Variants in ARB2A observed in about 807,000 individuals in gnomAD.
ARB2A encodes cotranscriptional regulator ARB2A.
At chr5:94,058,712 A>C in the ARB2A span, among the ~76,000 whole-genome samples, 1 of 152,210 alleles carries the variant, frequency 6.6e-6, no homozygotes, top group Non-Finnish European at 1.5e-5. Flanking sequence ...CCAGTGTGAC[A>C]ATGTCAAGTT....
At chr5:93,906,820 G>A in the ARB2A span, among the ~76,000 whole-genome samples, 2 of 151,424 alleles carry the variant, frequency 1.3e-5, no homozygotes, top group Non-Finnish European at 3.0e-5. Context: ...CCAGGAATCG[G>A]AGCAAAATTT....
the ARB2A span, among the ~76,000 whole-genome samples, chr5:93,873,528 T>C: frequency 3.9e-5 from 6 of 152,134 alleles, no homozygotes; most frequent in Non-Finnish European, 8.8e-5. Context: ...AACATGACAA[T>C]GTAAAGGTTA....
At chr5:94,087,936 G>A in the ARB2A span, among the ~76,000 whole-genome samples, 4 of 152,186 alleles carry the variant, frequency 2.6e-5, no homozygotes, top group East Asian at 3.9e-4. Flanking sequence ...TATGCTGTTC[G>A]CACAACAATG....
chr5:93,697,250 T>G, the ARB2A span, among the ~76,000 whole-genome samples: 2 of 151,962 alleles, frequency 1.3e-5, no homozygotes, highest in Admixed American at 1.3e-4. Flanking sequence ...TAATTACTAG[T>G]TTTCTCTTCC....
chr5:93,762,856 G>A, the ARB2A span, among the ~76,000 whole-genome samples: 1 of 152,166 alleles, frequency 6.6e-6, no homozygotes, highest in Non-Finnish European at 1.5e-5. Flanking sequence ...GGATCTCTTG[G>A]CAGAAACTCT....
At chr5:94,083,828 A>C in the ARB2A span, among the ~76,000 whole-genome samples, 1 of 152,134 alleles carries the variant, frequency 6.6e-6, no homozygotes, top group Non-Finnish European at 1.5e-5. Context: ...TCCTCTAAAA[A>C]AAAAAAAACA....
At chr5:93,754,520 C>T in the ARB2A span, among the ~76,000 whole-genome samples, 2 of 152,238 alleles carry the variant, frequency 1.3e-5, no homozygotes. Context: ...CTTCTCCAAA[C>T]ACAGCCCCAG....
chr5:93,911,351 T>A, the ARB2A span, among the ~76,000 whole-genome samples: 1 of 151,680 alleles, frequency 6.6e-6, no homozygotes, highest in Admixed American at 6.6e-5. Flanking sequence ...TCAAGATTTC[T>A]TTAATCGAAA....
the ARB2A span, among the ~76,000 whole-genome samples, chr5:93,987,668 G>A: frequency 6.6e-6 from 1 of 152,126 alleles, no homozygotes; most frequent in Non-Finnish European, 1.5e-5. Context: ...ATCCCCTAAG[G>A]TGTTACTCTA....
chr5:93,726,805 T>C, the ARB2A span, among the ~76,000 whole-genome samples: 2 of 152,090 alleles, frequency 1.3e-5, no homozygotes, highest in African/African-American at 2.4e-5. Flanking sequence ...TTGATATTCA[T>C]GTATTCATGT....
chr5:93,728,660 C>G, the ARB2A span, among the ~76,000 whole-genome samples: 10 of 151,950 alleles, frequency 6.6e-5, no homozygotes, highest in Middle Eastern at 6.8e-3. Context: ...GGCAAACCAT[C>G]GAGAAGCTTT....
chr5:94,060,203 A>C, the ARB2A span, among the ~76,000 whole-genome samples: 1 of 152,210 alleles, frequency 6.6e-6, no homozygotes, highest in South Asian at 2.1e-4. Flanking sequence ...AAATACAAAA[A>C]TAGTCATGTG....
At chr5:93,854,881 T>C in the ARB2A span, among the ~76,000 whole-genome samples, 1,108 of 152,292 alleles carry the variant, frequency 7.3e-3, 10 homozygotes, top group African/African-American at 0.025. Flanking sequence ...CTTCCAACTA[T>C]GTGGTCAATT....
At chr5:94,022,970 A>G in the ARB2A span, among the ~76,000 whole-genome samples, 84 of 152,320 alleles carry the variant, frequency 5.5e-4, no homozygotes, top group African/African-American at 1.9e-3. Flanking sequence ...ATGACCATAC[A>G]ATTCTTCCCC....
chr5:93,677,380 A>G, the ARB2A span, among the ~76,000 whole-genome samples: 1 of 152,232 alleles, frequency 6.6e-6, no homozygotes, highest in South Asian at 2.1e-4. Flanking sequence ...GTAAAACTCA[A>G]GTGGGCTGAC....
At chr5:93,886,641 A>G in the ARB2A span, among the ~76,000 whole-genome samples, 27 of 151,802 alleles carry the variant, frequency 1.8e-4, no homozygotes, top group Admixed American at 5.3e-4. Context: ...ACAACCAATC[A>G]GAAGTCACTA....
chr5:93,970,203 C>A, the ARB2A span, among the ~76,000 whole-genome samples: 1 of 151,868 alleles, frequency 6.6e-6, no homozygotes, highest in Non-Finnish European at 1.5e-5. Flanking sequence ...AACATCAGCC[C>A]AAGACATAAA....
chr5:93,656,135 G>C, the ARB2A span, among the ~76,000 whole-genome samples: 5 of 152,188 alleles, frequency 3.3e-5, no homozygotes, highest in Admixed American at 2.0e-4. Flanking sequence ...GATGTAGTGG[G>C]AGCTCCATAA....
At chr5:93,806,482 CTATT>C in the ARB2A span, among the ~76,000 whole-genome samples, 2 of 151,712 alleles carry the variant, frequency 1.3e-5, no homozygotes, top group South Asian at 2.1e-4. Flanking sequence ...AATAGTAACT[CTATT>C]TATAAACACT....
Sources: gnomAD v4.1 joint callset for allele counts (sites outside exome capture counted in the v4.1 genomes callset) on GRCh38, gnomAD v4.1.1 for gene constraint, MANE v1.5 for transcripts, NCBI Gene and HGNC (gene_info 2026-07-23, HGNC 2026-07-21) for gene names.